Variants in EEFSEC observed in about 807,000 individuals in gnomAD.
EEFSEC encodes eukaryotic elongation factor, selenocysteine-tRNA specific.
A neutral mutation model predicts 42.1 loss-of-function variants in EEFSEC; 43 were observed. The observed-to-expected ratio is 1.02, with a 90% CI of 0.80 to 1.32. The LOEUF (loss-of-function observed/expected upper bound fraction) is 1.32, where lower values mean the gene tolerates loss of function less well. Among genes scored for constraint, EEFSEC ranks in the 40% most tolerant of loss-of-function variants. The pLI is 0.00. For synonymous variants in EEFSEC, 354 were observed against 339.1 expected (o/e 1.04, Z -0.48); for missense variants, 745 against 803.6 (o/e 0.93, Z 0.88).
chr3:128,265,232 C>T (rs2066342096), intron 4 of EEFSEC, among the ~76,000 whole-genome samples: 1 of 152,120 alleles, frequency 6.6e-6, no homozygotes, highest in African/African-American at 2.4e-5. Flanking sequence ...TCAAATTAAA[C>T]ATGACGTGAA....
At chr3:128,163,114 A>C (rs772094275) in intron 1 of EEFSEC, among the ~76,000 whole-genome samples, 14 of 152,104 alleles carry the variant, frequency 9.2e-5, no homozygotes, top group Non-Finnish European at 1.6e-4. Flanking sequence ...CTCTTACCTT[A>C]AGAGCTCAAT....
intron 1 of EEFSEC, among the ~76,000 whole-genome samples, chr3:128,223,385 C>T (rs950002586): frequency 6.6e-6 from 1 of 152,170 alleles, no homozygotes; most frequent in African/African-American, 2.4e-5. Context: ...GTCATGGGAA[C>T]CCCCTGGATT....
rs906325221 is a variant in EEFSEC, at chr3:128,303,118, C to CATTATT, written c.787-38104_787-38099dup. ...ATATATTGCTTTGCATTTTTTTAAA[C>CATTATT]ATTATTATTATTATTACTATTATTA... On this transcript the variant is annotated intron_variant, in intron 4 of 6. Transcript: ENST00000254730. Among the ~76,000 whole-genome samples, 9 of 151,880 alleles carry CATTATT rather than the reference C, an allele frequency of 5.9e-5. No individual in the cohort carries two copies. In the East Asian group the frequency reaches 1.7e-3, roughly 29 times the overall value.
At chr3:128,184,467 C>T (rs940836292) in intron 1 of EEFSEC, among the ~76,000 whole-genome samples, 2 of 152,182 alleles carry the variant, frequency 1.3e-5, no homozygotes, top group East Asian at 3.8e-4. Context: ...ATAATGTTCT[C>T]AGAGTTCATA....
At chr3:128,215,866 A>C (rs1014210149) in intron 1 of EEFSEC, among the ~76,000 whole-genome samples, 1 of 152,094 alleles carries the variant, frequency 6.6e-6, no homozygotes, top group African/African-American at 2.4e-5. Flanking sequence ...ACAGAAAGAG[A>C]TATTTCCTAG....
In EEFSEC at chr3:128,153,569, CGGCGCT is replaced by C. The variant is rs1015354110; in HGVS notation, c.68_73del (p.Leu23_Ala24del). ...CTGGGCCACATCGACAGCGGCAAGA[CGGCGCT>C]GGCGCGGGCGCTAAGCACCACAGCC... On this transcript the variant is annotated inframe_deletion, in exon 1 of 7. Transcript: ENST00000254730. The C allele has an allele frequency of 1.9e-6, 3 of 1,541,102 alleles. No homozygotes were observed. Among genetic ancestry groups the C allele is most frequent in the Non-Finnish European group, 2.6e-6 (3 of 1,150,822 alleles).
chr3:128,235,601 TG>T (rs1419012166), intron 1 of EEFSEC, among the ~76,000 whole-genome samples: 3 of 152,218 alleles, frequency 2.0e-5, no homozygotes, highest in Non-Finnish European at 4.4e-5. Flanking sequence ...CCTCTAGAAG[TG>T]GCAATATACT....
intron 6 of EEFSEC, among the ~76,000 whole-genome samples, chr3:128,381,075 T>A (rs2107614341): frequency 6.6e-6 from 1 of 152,306 alleles, no homozygotes; most frequent in East Asian, 1.9e-4. Flanking sequence ...AGAGTGGAGC[T>A]GGGATTTCTG....
At chr3:128,395,975 C>T (rs965931038) in intron 6 of EEFSEC, among the ~76,000 whole-genome samples, 14 of 152,244 alleles carry the variant, frequency 9.2e-5, no homozygotes, top group African/African-American at 3.4e-4. Context: ...GTCCAAACCC[C>T]AGCCATGAGC....
intron 1 of EEFSEC, among the ~76,000 whole-genome samples, chr3:128,161,630 C>T (rs898430781): frequency 3.9e-5 from 6 of 152,210 alleles, no homozygotes; most frequent in African/African-American, 1.4e-4. Context: ...ATTTTTGTCT[C>T]TGCAGCCTGG....
chr3:128,285,994 C>T (rs901104395), intron 4 of EEFSEC, among the ~76,000 whole-genome samples: 3 of 152,246 alleles, frequency 2.0e-5, no homozygotes, highest in Non-Finnish European at 4.4e-5. Flanking sequence ...AAGTACATCT[C>T]CCACATGGGT....
intron 1 of EEFSEC, among the ~76,000 whole-genome samples, chr3:128,199,139 A>G (rs1214111877): frequency 1.3e-5 from 2 of 152,122 alleles, no homozygotes; most frequent in Non-Finnish European, 2.9e-5. Context: ...GCCTGTGTGT[A>G]TGTTTTTTCA....
intron 4 of EEFSEC, among the ~76,000 whole-genome samples, chr3:128,280,036 A>G (rs888264075): frequency 1.9e-4 from 29 of 152,254 alleles, no homozygotes; most frequent in African/African-American, 7.0e-4. Context: ...GCGAGGACAG[A>G]GACTTTTGTC....
At chr3:128,193,021 C>T (rs2065542602) in intron 1 of EEFSEC, among the ~76,000 whole-genome samples, 2 of 152,156 alleles carry the variant, frequency 1.3e-5, no homozygotes, top group African/African-American at 2.4e-5. Context: ...CATGATCTTA[C>T]GTGACAACAT....
chr3:128,349,135 C>T (rs2067351404), intron 5 of EEFSEC, among the ~76,000 whole-genome samples: 1 of 152,108 alleles, frequency 6.6e-6, no homozygotes, highest in African/African-American at 2.4e-5. Flanking sequence ...GCATAGAGGC[C>T]AAATAATGCC....
chr3:128,389,574 C>G (rs2067883146), intron 6 of EEFSEC, among the ~76,000 whole-genome samples: 2 of 152,278 alleles, frequency 1.3e-5, no homozygotes, highest in South Asian at 4.1e-4. Flanking sequence ...CATCCTTGAG[C>G]CCACGCTGCT....
chr3:128,292,033 AAATT>A (rs2066649466), intron 4 of EEFSEC, among the ~76,000 whole-genome samples: 1 of 152,098 alleles, frequency 6.6e-6, no homozygotes, highest in Non-Finnish European at 1.5e-5. Context: ...TGCTTCTATT[AAATT>A]ATTATATAGT....
At chr3:128,225,588 G>A (rs1358483769) in intron 1 of EEFSEC, among the ~76,000 whole-genome samples, 2 of 152,252 alleles carry the variant, frequency 1.3e-5, no homozygotes, top group African/African-American at 4.8e-5. Flanking sequence ...CCCCAGCACC[G>A]TGCCTGGCAC....
chr3:128,290,350 C>A (rs1369465344), intron 4 of EEFSEC, among the ~76,000 whole-genome samples: 1 of 151,414 alleles, frequency 6.6e-6, no homozygotes, highest in Non-Finnish European at 1.5e-5. Flanking sequence ...TTTGTCTTTC[C>A]CCTTTGAATT....
Sources: gnomAD v4.1 joint callset for allele counts (sites outside exome capture counted in the v4.1 genomes callset) on GRCh38, gnomAD v4.1.1 for gene constraint, MANE v1.5 for transcripts, NCBI Gene and HGNC (gene_info 2026-07-23, HGNC 2026-07-21) for gene names.